Variants in STK32B observed in about 807,000 individuals in gnomAD.
The protein encoded by STK32B is serine/threonine-protein kinase 32B.
STK32B carries 43 observed loss-of-function variants against 52.6 expected under a neutral mutation model. The ratio of observed to expected loss-of-function variants is 0.82; its 90% CI spans 0.64 to 1.05. STK32B has a LOEUF of 1.05. STK32B is among the 50% of genes least tolerant of loss of function. STK32B has a pLI of 0.00. For missense variants in STK32B, 621 were observed against 534.6 expected, an observed-to-expected ratio of 1.16 and a Z score of -1.59; for synonymous variants, 238 against 204.3, an observed-to-expected ratio of 1.17 and a Z score of -1.41.
chr4:5,232,538 A>G (rs1724343504), intron 3 of STK32B, among the ~76,000 whole-genome samples: 2 of 152,212 alleles, frequency 1.3e-5, no homozygotes, highest in Non-Finnish European at 2.9e-5. Flanking sequence ...AATTCTGTCT[A>G]GATACCTAAG....
At chr4:5,455,067 A>G (rs6814599) in intron 7 of STK32B, among the ~76,000 whole-genome samples, 31,484 of 152,150 alleles carry the variant, frequency 0.21, 3,682 homozygotes, top group South Asian at 0.36. Context: ...GGTGCCACTC[A>G]GGAAAAAAAG....
At chr4:5,061,529 C>T (rs1369444641) in intron 1 of STK32B, among the ~76,000 whole-genome samples, 2 of 152,110 alleles carry the variant, frequency 1.3e-5, no homozygotes, top group Non-Finnish European at 2.9e-5. Context: ...AAAAAAATTG[C>T]ATGCTGGGTA....
intron 11 of STK32B, among the ~76,000 whole-genome samples, chr4:5,488,333 G>A (rs1719406128): frequency 6.6e-6 from 1 of 152,154 alleles, no homozygotes; most frequent in Admixed American, 6.5e-5. Context: ...ATTTTATGGT[G>A]TAATGGTGAG....
At chr4:5,228,306 A>T (rs1724010713) in intron 3 of STK32B, among the ~76,000 whole-genome samples, 1 of 152,172 alleles carries the variant, frequency 6.6e-6, no homozygotes, top group African/African-American at 2.4e-5. Flanking sequence ...TCATGTTTGC[A>T]ATTAAATCTT....
At chr4:5,498,905 C>T in intron 11 of STK32B, 40 bp from the exon 12 acceptor site, 1 of 1,579,172 alleles carries the variant, frequency 6.3e-7, no homozygotes, top group South Asian at 1.2e-5. Context: ...CTCCACAACC[C>T]CATGCCGCAC....
intron 3 of STK32B, among the ~76,000 whole-genome samples, chr4:5,323,052 C>T (rs952659400): frequency 6.6e-5 from 10 of 152,108 alleles, no homozygotes; most frequent in African/African-American, 1.7e-4. Flanking sequence ...CCACGTCCCA[C>T]GGTTAGTTGG....
intron 11 of STK32B, among the ~76,000 whole-genome samples, chr4:5,489,585 T>G (rs1043559419): frequency 3.3e-5 from 5 of 152,136 alleles, no homozygotes; most frequent in African/African-American, 1.2e-4. Flanking sequence ...ATTTTAAATT[T>G]TATTTCATTA....
intron 1 of STK32B, among the ~76,000 whole-genome samples, chr4:5,053,630 C>T (rs1741875733): frequency 6.6e-6 from 1 of 152,074 alleles, no homozygotes; most frequent in African/African-American, 2.4e-5. Flanking sequence ...GTTCCTGTTC[C>T]TTATTCTATA....
At chr4:5,134,742 C>T (rs1003928902) in intron 1 of STK32B, among the ~76,000 whole-genome samples, 17 of 152,198 alleles carry the variant, frequency 1.1e-4, no homozygotes, top group Non-Finnish European at 2.1e-4. Context: ...AGGAATGAGC[C>T]GCAGGTTTCA....
the STK32B span, among the ~76,000 whole-genome samples, chr4:5,029,012 A>C: frequency 6.6e-6 from 1 of 152,272 alleles, no homozygotes; most frequent in South Asian, 2.1e-4. Flanking sequence ...GTCTCAGGAG[A>C]ACTCACTATC....
chr4:5,147,885 A>C (rs2108841853), intron 2 of STK32B, among the ~76,000 whole-genome samples: 1 of 152,038 alleles, frequency 6.6e-6, no homozygotes, highest in South Asian at 2.1e-4. Context: ...TAATATCTTC[A>C]TCAAATTTGT....
intron 11 of STK32B, among the ~76,000 whole-genome samples, chr4:5,498,260 TCAGAAA>T (rs1720455667): frequency 1.3e-5 from 2 of 152,164 alleles, no homozygotes; most frequent in Admixed American, 6.5e-5. Flanking sequence ...AACTTGAAGA[TCAGAAA>T]CAGAGGGATA....
At chr4:5,368,713 A>G (rs1200240847) in intron 4 of STK32B, among the ~76,000 whole-genome samples, 3 of 152,026 alleles carry the variant, frequency 2.0e-5, no homozygotes, top group African/African-American at 7.2e-5. Flanking sequence ...TCCAGGGTGA[A>G]CCCTCCATCT....
At chr4:5,216,771 T>C (rs1683081985) in intron 3 of STK32B, among the ~76,000 whole-genome samples, 2 of 152,154 alleles carry the variant, frequency 1.3e-5, no homozygotes, top group Non-Finnish European at 2.9e-5. Flanking sequence ...TCCAGGTTAA[T>C]AGGAAGCCAT....
At chr4:5,450,866 G>A (rs1395367708) in intron 7 of STK32B, among the ~76,000 whole-genome samples, 1 of 152,124 alleles carries the variant, frequency 6.6e-6, no homozygotes, top group African/African-American at 2.4e-5. Context: ...TCAAGCACTA[G>A]AGGCAGGCAC....
At chr4:5,087,304 A>G (rs1712785072) in intron 1 of STK32B, among the ~76,000 whole-genome samples, 1 of 152,166 alleles carries the variant, frequency 6.6e-6, no homozygotes, top group South Asian at 2.1e-4. Flanking sequence ...AATAATGTAT[A>G]TAGAGAGAAA....
At chr4:5,482,258 CG>C (rs747426953) in intron 11 of STK32B, among the ~76,000 whole-genome samples, 1 of 152,106 alleles carries the variant, frequency 6.6e-6, no homozygotes, top group Non-Finnish European at 1.5e-5. Context: ...TCTTTTATTT[CG>C]TTGAGCAGTG....
intron 3 of STK32B, among the ~76,000 whole-genome samples, chr4:5,250,355 C>G (rs1725831279): frequency 6.7e-6 from 1 of 148,244 alleles, no homozygotes; most frequent in Non-Finnish European, 1.5e-5. Context: ...CTCTGTCACC[C>G]AGGCTGGAGT....
intron 5 of STK32B, among the ~76,000 whole-genome samples, chr4:5,409,532 A>G (rs1407445932): frequency 6.6e-6 from 1 of 152,182 alleles, no homozygotes; most frequent in African/African-American, 2.4e-5. Flanking sequence ...ATGGACATAG[A>G]GAAATGGTGG....
Sources: gnomAD v4.1 joint callset for allele counts (sites outside exome capture counted in the v4.1 genomes callset) on GRCh38, gnomAD v4.1.1 for gene constraint, MANE v1.5 for transcripts, NCBI Gene and HGNC (gene_info 2026-07-23, HGNC 2026-07-21) for gene names.